KIAA1549L: variants seen among roughly 807,000 people sequenced by gnomAD.
The protein encoded by KIAA1549L is KIAA1549 like.
A neutral mutation model predicts 160.7 loss-of-function variants in KIAA1549L; 88 were observed. That is an observed-to-expected ratio of 0.55 (90% CI 0.46 to 0.65). The LOEUF (loss-of-function observed/expected upper bound fraction) is 0.65. Ranked by LOEUF, KIAA1549L falls within the 30% of genes least tolerant of loss-of-function variation. The pLI is 0.00. For missense variants in KIAA1549L, 2,258 were observed against 2,437.5 expected (o/e 0.93, Z 1.55); for synonymous variants, 950 against 976.7 (o/e 0.97, Z 0.51).
At chr11:33,548,506 A>G (rs1276034384) in intron 4 of KIAA1549L, among the ~76,000 whole-genome samples, 1 of 152,228 alleles carries the variant, frequency 6.6e-6, no homozygotes, top group Admixed American at 6.5e-5. Context: ...AATTTTCTAG[A>G]AAACTCTCCA....
intron 1 of KIAA1549L, among the ~76,000 whole-genome samples, chr11:33,537,312 A>C (rs1308190954): frequency 6.6e-6 from 1 of 152,166 alleles, no homozygotes; most frequent in Admixed American, 6.5e-5. Context: ...TTTTCATTTG[A>C]AAAATGCTGG....
chr11:33,646,512 T>G (rs1005519125), intron 17 of KIAA1549L, among the ~76,000 whole-genome samples: 2 of 152,230 alleles, frequency 1.3e-5, no homozygotes, highest in Admixed American at 6.5e-5. Flanking sequence ...GAATCACTTG[T>G]GTTAAATAAA....
chr11:33,425,692 G>A (rs1025737540), intron 1 of KIAA1549L, among the ~76,000 whole-genome samples: 1 of 152,316 alleles, frequency 6.6e-6, no homozygotes, highest in Non-Finnish European at 1.5e-5. Context: ...ATTAGGAAAG[G>A]CTGGAATTCT....
chr11:33,530,883 G>A (rs1420042627), intron 1 of KIAA1549L, among the ~76,000 whole-genome samples: 1 of 152,132 alleles, frequency 6.6e-6, no homozygotes, highest in Non-Finnish European at 1.5e-5. Flanking sequence ...ATGGAAAAAT[G>A]ATTTTGTTAT....
chr11:33,660,093 C>T (rs1411679678), intron 19 of KIAA1549L, among the ~76,000 whole-genome samples: 1 of 152,262 alleles, frequency 6.6e-6, no homozygotes, highest in Non-Finnish European at 1.5e-5. Context: ...AATTCCAGAG[C>T]ACTACTAGTG....
At chr11:33,554,345 T>C (rs1237209294) in intron 6 of KIAA1549L, among the ~76,000 whole-genome samples, 1 of 152,210 alleles carries the variant, frequency 6.6e-6, no homozygotes, top group East Asian at 1.9e-4. Context: ...TAGATTACAG[T>C]GGACTCAATT....
At chr11:33,659,168 G>C (rs1245751287) in intron 19 of KIAA1549L, among the ~76,000 whole-genome samples, 1 of 152,002 alleles carries the variant, frequency 6.6e-6, no homozygotes, top group African/African-American at 2.4e-5. Context: ...AATTTTTTTG[G>C]TTTTGTCTTT....
chr11:33,446,665 A>T (rs1180861624), intron 1 of KIAA1549L, among the ~76,000 whole-genome samples: 1 of 151,886 alleles, frequency 6.6e-6, no homozygotes, highest in African/African-American at 2.4e-5. Flanking sequence ...GTGCTAGAGG[A>T]TACTTTTTTT....
chr11:33,478,324 C>A (rs1405484045), intron 1 of KIAA1549L, among the ~76,000 whole-genome samples: 3 of 152,244 alleles, frequency 2.0e-5, no homozygotes, highest in East Asian at 1.9e-4. Flanking sequence ...GCAAGCCCCC[C>A]AGACGGGCAA....
intron 11 of KIAA1549L, 128 bp from the exon 12 acceptor site, chr11:33,591,109 T>A: frequency 1.4e-6 from 1 of 689,752 alleles, no homozygotes; most frequent in South Asian, 1.7e-5. Context: ...GGGATTTGAG[T>A]TAACTCTTGT....
intron 15 of KIAA1549L, among the ~76,000 whole-genome samples, chr11:33,617,859 G>A (rs541719948): frequency 7.2e-5 from 11 of 151,764 alleles, no homozygotes; most frequent in Admixed American, 5.3e-4. Context: ...ATGGATGGAC[G>A]GATGGACAGA....
chr11:33,568,494 A>G (rs1855133342), intron 9 of KIAA1549L, among the ~76,000 whole-genome samples: 1 of 152,234 alleles, frequency 6.6e-6, no homozygotes, highest in Non-Finnish European at 1.5e-5. Context: ...ATCTGTACTC[A>G]TGCAGATATT....
At chr11:33,648,107 G>C (rs1340463428) in intron 17 of KIAA1549L, among the ~76,000 whole-genome samples, 1 of 152,040 alleles carries the variant, frequency 6.6e-6, no homozygotes, top group Non-Finnish European at 1.5e-5. Context: ...CAATTCTCGT[G>C]CCTCAGCCTC....
At chr11:33,396,527 C>A (rs181448883) in intron 1 of KIAA1549L, among the ~76,000 whole-genome samples, 3 of 152,254 alleles carry the variant, frequency 2.0e-5, no homozygotes, top group East Asian at 1.9e-4. Context: ...TCTGACTTGA[C>A]GGGGTCTGGG....
rs1220125769 is a variant in KIAA1549L at position 33,478,732 on chromosome 11, T to G, written c.239-63070T>G. Among the ~76,000 whole-genome samples, 3 of 152,222 alleles carry G rather than the reference T, an allele frequency of 2.0e-5. 1 individual carries two copies. The highest frequency in any genetic ancestry group is 4.4e-5 in the Non-Finnish European group (3 of 68,040). The stretch of plus-strand genomic sequence containing the variant: ...ATTTCTGAGGAGGTGCTATTATTTT[T>G]TTAAATTATTATTATTATGATTTTA... On this transcript the variant is annotated intron_variant, in intron 1 of 20. Transcript: ENST00000658780.
At chr11:33,463,074 C>T (rs1037878288) in intron 1 of KIAA1549L, among the ~76,000 whole-genome samples, 1 of 152,112 alleles carries the variant, frequency 6.6e-6, no homozygotes, top group Non-Finnish European at 1.5e-5. Flanking sequence ...AGTAATCCTC[C>T]CACCTCAGCC....
At chr11:33,441,895 C>A (rs1225795066) in intron 1 of KIAA1549L, among the ~76,000 whole-genome samples, 1 of 152,158 alleles carries the variant, frequency 6.6e-6, no homozygotes, top group African/African-American at 2.4e-5. Flanking sequence ...ATGGTGGTTT[C>A]TTTTGCTGTG....
At chr11:33,475,140 T>C (rs1565151484) in intron 1 of KIAA1549L, among the ~76,000 whole-genome samples, 1 of 152,188 alleles carries the variant, frequency 6.6e-6, no homozygotes, top group Non-Finnish European at 1.5e-5. Flanking sequence ...GGGCCAGAGC[T>C]GTATATGCCC....
chr11:33,469,270 T>C (rs1488988044), intron 1 of KIAA1549L, among the ~76,000 whole-genome samples: 2 of 152,232 alleles, frequency 1.3e-5, no homozygotes, highest in Non-Finnish European at 2.9e-5. Context: ...TTTATATTTA[T>C]GGAATCATAT....
Sources: gnomAD v4.1 joint callset for allele counts (sites outside exome capture counted in the v4.1 genomes callset) on GRCh38, gnomAD v4.1.1 for gene constraint, MANE v1.5 for transcripts, NCBI Gene and HGNC (gene_info 2026-07-23, HGNC 2026-07-21) for gene names.